The following KIF15 variants were observed in gnomAD, a reference collection of about 807,000 sequenced individuals.
KIF15 encodes the protein kinesin family member 15.
KIF15 carries 140 observed loss-of-function variants against 190.6 expected under a neutral mutation model. The observed-to-expected ratio is 0.73, with a 90% CI of 0.64 to 0.84. The LOEUF is 0.84. Ranked by LOEUF, KIF15 falls within the 40% of genes least tolerant of loss-of-function variation. The pLI is 0.00. For missense variants in KIF15, 1,372 were observed against 1,584.4 expected, an observed-to-expected ratio of 0.87 and a Z score of 2.28; for synonymous variants, 528 against 551.3, an observed-to-expected ratio of 0.96 and a Z score of 0.59.
At chr3:44,766,523 G>A (rs1705382456) in intron 1 of KIF15, among the ~76,000 whole-genome samples, 1 of 152,150 alleles carries the variant, frequency 6.6e-6, no homozygotes, top group Non-Finnish European at 1.5e-5. Flanking sequence ...TGAGCATCAG[G>A]TAGCTAGCTG....
chr3:44,764,291 C>T (rs1181327975), intron 1 of KIF15, among the ~76,000 whole-genome samples: 1 of 152,194 alleles, frequency 6.6e-6, no homozygotes, highest in East Asian at 1.9e-4. Context: ...CCAACCATTA[C>T]TCTGATTATT....
At chr3:44,827,756 C>T (rs1697752363) in intron 23 of KIF15, among the ~76,000 whole-genome samples, 1 of 152,090 alleles carries the variant, frequency 6.6e-6, no homozygotes, top group East Asian at 1.9e-4. Flanking sequence ...AGTGATGGCT[C>T]ACTGTAGCCT....
At chr3:44,850,166 T>C (rs957513754) in intron 32 of KIF15, among the ~76,000 whole-genome samples, 12 of 152,328 alleles carry the variant, frequency 7.9e-5, no homozygotes, top group Admixed American at 2.0e-4. Flanking sequence ...CATCAAAAAT[T>C]CTTTTTAATG....
In KIF15 at chr3:44,852,838, C is replaced by T. The variant is rs1358968139; in HGVS notation, c.*103C>T. On this transcript the variant is annotated 3_prime_UTR_variant, in exon 35 of 35. Transcript: ENST00000326047. ...CACTTAGGAGAGCTGAATTTATGGA[C>T]CTTAATTATTAAATGTTTATAAGGT... The T allele has an allele frequency of 1.2e-6, 1 of 850,150 alleles. No homozygotes were observed. The highest frequency in any genetic ancestry group is 1.8e-6 in the Non-Finnish European group (1 of 548,238). The allele number at this position is 850,150 out of a possible 1,614,324, so 52.7% of individuals were successfully genotyped here.
chr3:44,830,373 C>G (rs1457760837), intron 25 of KIF15, among the ~76,000 whole-genome samples: 2 of 152,178 alleles, frequency 1.3e-5, no homozygotes, highest in Non-Finnish European at 2.9e-5. Context: ...GAATAAGAAA[C>G]AGGCTGGTTG....
At position 44,830,931 on chromosome 3, in the gene KIF15, G is replaced by C; in HGVS notation, c.3084G>C (p.Glu1028Asp). 1.2e-6 allele frequency: 2 copies of C among 1,614,042 alleles called. No individual in the cohort carries two copies. The highest frequency in any genetic ancestry group is 1.7e-6 in the Non-Finnish European group (2 of 1,179,968). ...ACTCTGCTTTGGTTGACAGAGAAGA[G>C]AGCAGAGTGTTGATCAAGAAGCAGG... ...KYNSALVDRE[E>D]SRVLIKKQEV... Residue 1028 changes from glutamate to aspartate, a missense_variant, in exon 26 of 35, where the codon GAG becomes GAC. Glu to Asp is a conservative substitution (Grantham distance 45). Transcript: ENST00000326047.
chr3:44,812,422 ATGT>A (rs759566212), intron 18 of KIF15, 133 bp downstream of exon 18: 266 of 659,428 alleles, frequency 4.0e-4, no homozygotes, highest in Non-Finnish European at 6.2e-4. Flanking sequence ...CAGAAAGAAA[ATGT>A]TGTCACATGG....
intron 12 of KIF15, 82 bp from the exon 13 acceptor site, chr3:44,801,683 T>C (rs1559546390): frequency 2.1e-6 from 2 of 975,562 alleles, no homozygotes; most frequent in Non-Finnish European, 3.1e-6. Flanking sequence ...AAATATGAAA[T>C]TAGTATTTGT....
rs150080569 is a variant in KIF15, at chr3:44,832,269, G to C, written c.3171+1251G>C. 7.7e-3 allele frequency among the ~76,000 whole-genome samples: 1,177 copies of C among 152,272 alleles called. 20 individuals carry two copies. Among genetic ancestry groups the C allele is most frequent in the African/African-American group, 0.027 (1,127 of 41,560 alleles). On this transcript the variant is annotated intron_variant, in intron 26 of 34. Transcript: ENST00000326047. Reference sequence around the variant, plus strand: ...ATACAAGGTGCTGGCAGTGAAGTGGGGGCAGACTGAGCCTGTGTAGTGAAG... The same window carrying C: ...ATACAAGGTGCTGGCAGTGAAGTGGCGGCAGACTGAGCCTGTGTAGTGAAG...
chr3:44,799,120 A>AT (rs5848711), intron 10 of KIF15: 216,763 of 374,920 alleles, frequency 0.58, 64,611 homozygotes, highest in East Asian at 0.89. Context: ...GTCTTTGGAG[A>AT]TATAGAACTG....
At position 44,840,400 on chromosome 3, in the gene KIF15, A is replaced by C; in HGVS notation, c.3364A>C (p.Asn1122His). The part of the protein sequence containing the change: ...EEVEQKKNEY[N>H]FKMRQLEHVM... ...AGTAGAACAGAAGAAGAATGAATAT[A>C]ACTTCAAAATGAGGCAACTAGAACA... Residue 1122 changes from asparagine to histidine, a missense_variant, in exon 28 of 35, where the codon AAC becomes CAC. Coordinates refer to ENST00000326047, the MANE Select transcript of KIF15 (RefSeq NM_020242.3). 1 of 1,611,332 alleles carries C rather than the reference A, an allele frequency of 6.2e-7. No individual in the cohort carries two copies. The highest frequency in any genetic ancestry group is 8.5e-7 in the Non-Finnish European group (1 of 1,179,090).
chr3:44,834,431 G>C (rs1698210853), intron 26 of KIF15, among the ~76,000 whole-genome samples: 1 of 152,102 alleles, frequency 6.6e-6, no homozygotes, highest in African/African-American at 2.4e-5. Context: ...ATTGAGTTTA[G>C]TAATCAGTTA....
chr3:44,782,267 G>A (rs1360314713), intron 5 of KIF15, among the ~76,000 whole-genome samples: 2 of 152,034 alleles, frequency 1.3e-5, no homozygotes, highest in African/African-American at 4.8e-5. Context: ...TCACCATGTT[G>A]GCCAGGCTGG....
At chr3:44,846,334 T>C (rs1002756256) in intron 30 of KIF15, among the ~76,000 whole-genome samples, 15 of 152,204 alleles carry the variant, frequency 9.9e-5, no homozygotes, top group Admixed American at 9.2e-4. Context: ...ACTAATTGTA[T>C]AACAGGTTAG....
At chr3:44,852,059 T>C in intron 33 of KIF15, 107 bp downstream of exon 33, 1 of 1,446,074 alleles carries the variant, frequency 6.9e-7, no homozygotes, top group South Asian at 1.4e-5. Context: ...TCAGAGTTGC[T>C]TTATTGTATG....
Position 44,852,324 on chromosome 3 carries a change from T to C in KIF15, c.4089T>C (p.Asn1363=), listed in dbSNP as rs1321485959. Residue 1363 remains asparagine (N), a synonymous_variant, in exon 34 of 35, where the codon AAT becomes AAC. Transcript: ENST00000326047. ...IQYVVRLKKE[N]VRLAEETEKL... is the part of the protein sequence containing the mutation. ...ACGTAGTGCGACTAAAGAAGGAAAA[T>C]GTCAGGCTTGCTGAGGTAAACCTAA... The C allele has an allele frequency of 6.2e-7, 1 of 1,609,984 alleles. No homozygotes were observed. Among genetic ancestry groups the C allele is most frequent in the Non-Finnish European group, 8.5e-7 (1 of 1,177,358 alleles).
In KIF15 at chr3:44,850,619, C is replaced by T. The variant is rs552295528; in HGVS notation, c.3807-1168C>T. Among the ~76,000 whole-genome samples, 23 of 152,286 alleles carry T rather than the reference C, an allele frequency of 1.5e-4. No individual in the cohort carries two copies. The South Asian group carries it at 4.1e-3, about 27-fold the overall frequency. ...CCTACAACAGCAATTTTAAACGTTA[C>T]GTTACCCATATATTTGTGAAGATGC... On this transcript the variant is annotated intron_variant, in intron 32 of 34. Coordinates refer to ENST00000326047, the MANE Select transcript of KIF15 (RefSeq NM_020242.3).
intron 20 of KIF15, among the ~76,000 whole-genome samples, chr3:44,815,377 G>A (rs1374668638): frequency 1.3e-5 from 2 of 152,108 alleles, no homozygotes; most frequent in African/African-American, 4.8e-5. Context: ...GCCTCACACA[G>A]CTCCATATTT....
chr3:44,813,652 A>C (rs1476885135), intron 19 of KIF15, among the ~76,000 whole-genome samples: 1 of 103,854 alleles, frequency 9.6e-6, no homozygotes, highest in Non-Finnish European at 1.8e-5. Context: ...TTTGAGGTGG[A>C]GTCTTGCTTT....
Sources: allele counts gnomAD v4.1 joint callset (sites outside exome capture counted in the v4.1 genomes callset), GRCh38; gene constraint gnomAD v4.1.1; transcripts MANE v1.5; gene names NCBI Gene and HGNC (gene_info 2026-07-23, HGNC 2026-07-21).